The following ZC3H12B variants were observed in gnomAD, a reference collection of about 807,000 sequenced individuals.
ZC3H12B encodes the protein zinc finger CCCH-type containing 12B, also known as probable ribonuclease ZC3H12B.
ZC3H12B carries 7 observed loss-of-function variants against 43.9 expected under a neutral mutation model. The ratio of observed to expected loss-of-function variants is 0.16; its 90% CI spans 0.09 to 0.30. ZC3H12B has a LOEUF of 0.30. Among genes scored for constraint, ZC3H12B ranks in the 10% least tolerant of loss-of-function variants. The probability of loss-of-function intolerance (pLI) is 1.00; values close to 1 mark genes in which losing one functional copy is unlikely to be tolerated. For synonymous variants in ZC3H12B, 222 were observed against 241.7 expected, an observed-to-expected ratio of 0.92 and a Z score of 0.76; for missense variants, 475 against 670.2, an observed-to-expected ratio of 0.71 and a Z score of 3.22.
chrX:65,458,194 C>T (rs909945769), intron 3 of ZC3H12B, among the ~76,000 whole-genome samples: 7 of 108,721 alleles, frequency 6.4e-5, no homozygotes, highest in African/African-American at 2.4e-4. Flanking sequence ...TACTGGAGCA[C>T]CCAGATTCGT....
intron 3 of ZC3H12B, among the ~76,000 whole-genome samples, chrX:65,456,253 C>T (rs1455718424): frequency 9.0e-6 from 1 of 111,275 alleles, no homozygotes; most frequent in Non-Finnish European, 1.9e-5. Context: ...CAGAGACACA[C>T]ATAGGCTCAA....
At chrX:65,204,528 G>C in the ZC3H12B span, among the ~76,000 whole-genome samples, 260 of 111,601 alleles carry the variant, frequency 2.3e-3, no homozygotes, top group African/African-American at 8.0e-3. Context: ...ATTCTTCCTA[G>C]ACTTTAGCTT....
In ZC3H12B at chrX:65,468,650, ATTTTTT is replaced by A. The variant is rs60716703; in HGVS notation, n.408-19980_408-19975del. Among the ~76,000 whole-genome samples, 34 of 74,938 alleles carry A rather than the reference ATTTTTT, an allele frequency of 4.5e-4. 1 individual carries two copies. The highest frequency in any genetic ancestry group is 1.9e-3 in the African/African-American group (31 of 16,728). The allele number at this position is 74,938 out of a possible 115,157, so 65.1% of individuals were successfully genotyped here. ...AGGTGCCCGCCACCGTGCCCGGCTAATTTTTTTTTTTTTTTTTTTTTGTATTTTTAG... is the reference window on the plus strand; with the variant it reads ...AGGTGCCCGCCACCGTGCCCGGCTAATTTTTTTTTTTTTTTGTATTTTTAG... On this transcript the variant is annotated intron_variant and non_coding_transcript_variant, in intron 3 of 5. Transcript: ENST00000617377.
At chrX:65,055,665 C>T in the ZC3H12B span, among the ~76,000 whole-genome samples, 4 of 111,581 alleles carry the variant, frequency 3.6e-5, no homozygotes, top group South Asian at 3.8e-4. Flanking sequence ...GGGAATGGTA[C>T]CAGTTCCTCC....
At chrX:65,159,256 G>T in the ZC3H12B span, among the ~76,000 whole-genome samples, 5 of 111,798 alleles carry the variant, frequency 4.5e-5, no homozygotes, top group Admixed American at 4.8e-4. Flanking sequence ...GGCGATGCGG[G>T]CTCTTCTTTG....
chrX:65,131,654 C>A, the ZC3H12B span, among the ~76,000 whole-genome samples: 2 of 111,245 alleles, frequency 1.8e-5, no homozygotes, highest in African/African-American at 6.5e-5. Context: ...AACTAGGTGT[C>A]CAAAGGCAGA....
chrX:65,160,412 G>A, the ZC3H12B span, among the ~76,000 whole-genome samples: 3 of 111,834 alleles, frequency 2.7e-5, no homozygotes, highest in East Asian at 2.8e-4. Flanking sequence ...TGGTTGGTAA[G>A]CTATTGATTA....
exon 5 of ZC3H12B, chrX:65,503,365 CT>C: frequency 6.5e-6 from 3 of 464,355 alleles, no homozygotes; most frequent in East Asian, 8.1e-5. Context: ...GTACGTCTTA[CT>C]AACATCCTCT....
At chrX:65,361,979 G>A (rs1189872254), upstream of ZC3H12B, among the ~76,000 whole-genome samples, 1 of 112,322 alleles carries the variant, frequency 8.9e-6, no homozygotes, top group Non-Finnish European at 1.9e-5. Flanking sequence ...GCCTACCCTA[G>A]GATCTTGCTT....
At chrX:65,257,134 C>A in the ZC3H12B span, among the ~76,000 whole-genome samples, 1 of 112,162 alleles carries the variant, frequency 8.9e-6, no homozygotes, top group East Asian at 2.8e-4. Context: ...AACCATGCTG[C>A]CATAAAGACA....
chrX:65,480,340 A>C (rs777946271), intron 3 of ZC3H12B, among the ~76,000 whole-genome samples: 31 of 112,653 alleles, frequency 2.8e-4, no homozygotes, highest in African/African-American at 1.0e-3. Context: ...GCTGGTATTA[A>C]TGTTAACTGA....
At chrX:65,505,007 T>A (rs1400224346) in exon 5 of ZC3H12B, 3 of 112,705 alleles carry the variant, frequency 2.7e-5, no homozygotes, top group African/African-American at 9.7e-5. Context: ...GACTTTTGGT[T>A]TGGGCGACAC....
the ZC3H12B span, among the ~76,000 whole-genome samples, chrX:65,137,127 A>G: frequency 1.8e-5 from 2 of 112,265 alleles, no homozygotes; most frequent in Non-Finnish European, 3.8e-5. Context: ...ATTTAATTAT[A>G]CCTTCTACTA....
At chrX:65,288,193 A>G in the ZC3H12B span, among the ~76,000 whole-genome samples, 2 of 110,936 alleles carry the variant, frequency 1.8e-5, no homozygotes, top group Non-Finnish European at 1.9e-5. Context: ...AGAAAAGCCA[A>G]GTACCAGGTG....
chrX:65,421,407 C>A (rs182968934), intron 3 of ZC3H12B, among the ~76,000 whole-genome samples: 8 of 112,181 alleles, frequency 7.1e-5, no homozygotes, highest in Non-Finnish European at 1.5e-4. Flanking sequence ...AGAGACCAAC[C>A]CTGAGTCCTC....
chrX:65,192,106 C>T, the ZC3H12B span, among the ~76,000 whole-genome samples: 221 of 109,439 alleles, frequency 2.0e-3, 7 homozygotes, highest in South Asian at 0.065. Context: ...TGTAGTTGAG[C>T]GGCTTTGAGT....
chrX:65,498,912 C>T (rs1341027813), intron 2 of ZC3H12B, 87 bp from the exon 8 acceptor site: 2 of 736,489 alleles, frequency 2.7e-6, no homozygotes, highest in Non-Finnish European at 2.0e-6. Context: ...TCATCCAGTA[C>T]CAACTTTTGC....
the ZC3H12B span, among the ~76,000 whole-genome samples, chrX:65,148,893 G>T: frequency 8.9e-6 from 1 of 111,747 alleles, no homozygotes; most frequent in Non-Finnish European, 1.9e-5. Flanking sequence ...CCATCTCCCT[G>T]ATGTCTGGAC....
the ZC3H12B span, among the ~76,000 whole-genome samples, chrX:65,325,133 A>G: frequency 1.8e-5 from 2 of 111,029 alleles, no homozygotes; most frequent in Non-Finnish European, 3.8e-5. Context: ...TTTTCATTGC[A>G]TGGAATACCT....
Sources: allele counts gnomAD v4.1 joint callset (sites outside exome capture counted in the v4.1 genomes callset), GRCh38; gene constraint gnomAD v4.1.1; transcripts MANE v1.5; gene names NCBI Gene and HGNC (gene_info 2026-07-23, HGNC 2026-07-21).